Variants in NSUN6 observed in about 807,000 individuals in gnomAD.
NSUN6 encodes tRNA (cytosine(72)-C(5))-methyltransferase NSUN6.
A neutral mutation model predicts 58.0 loss-of-function variants in NSUN6; 64 were observed. The observed-to-expected ratio is 1.10, with a 90% CI of 0.90 to 1.36. The LOEUF (loss-of-function observed/expected upper bound fraction) is 1.36, where lower values mean the gene tolerates loss of function less well. NSUN6 is among the 40% of genes most tolerant of loss of function. The pLI is 0.00. For missense variants in NSUN6, 701 were observed against 550.1 expected (o/e 1.27, Z -2.74); for synonymous variants, 231 against 193.9 (o/e 1.19, Z -1.59).
intron 1 of NSUN6, 83 bp downstream of exon 1, chr10:18,651,046 C>T (rs1356494031): frequency 1.3e-6 from 2 of 1,532,686 alleles, no homozygotes; most frequent in African/African-American, 1.4e-5. Flanking sequence ...CAAGATTTCC[C>T]TTTATACTTA....
chr10:18,549,579 G>T (rs1222165421), intron 9 of NSUN6, among the ~76,000 whole-genome samples: 1 of 152,082 alleles, frequency 6.6e-6, no homozygotes, highest in Non-Finnish European at 1.5e-5. Flanking sequence ...ATAAGGGCAT[G>T]GAGTGTTTGT....
chr10:18,575,897 C>T (rs1381990783), intron 8 of NSUN6, among the ~76,000 whole-genome samples: 3 of 152,162 alleles, frequency 2.0e-5, no homozygotes, highest in Admixed American at 6.5e-5. Flanking sequence ...TTAGTACAGG[C>T]GCTGTCCTTA....
rs115693777 is a variant in NSUN6, at chr10:18,649,136, T to C, written c.76-491A>G. On this transcript the variant is annotated intron_variant, in intron 1 of 10. Transcript: ENST00000377304. ...TAATATTGATATAGTCACTGTCATA[T>C]AAAGATTCCCCTAGGACATCAGCTT... 4.7e-3 allele frequency among the ~76,000 whole-genome samples: 721 copies of C among 152,300 alleles called. 6 individuals carry two copies. The highest frequency in any genetic ancestry group is 0.017 in the African/African-American group (693 of 41,566).
chr10:18,618,931 T>C (rs2058507444), intron 3 of NSUN6, among the ~76,000 whole-genome samples: 1 of 151,482 alleles, frequency 6.6e-6, no homozygotes, highest in Admixed American at 6.6e-5. Flanking sequence ...TTTTATGTTT[T>C]ACTCTTTCAT....
intron 6 of NSUN6, among the ~76,000 whole-genome samples, chr10:18,608,514 T>C (rs2058118246): frequency 6.6e-6 from 1 of 151,658 alleles, no homozygotes; most frequent in African/African-American, 2.4e-5. Context: ...GCGCATGCTG[T>C]AGTCCCAGCT....
rs200356504 is a variant in NSUN6, at chr10:18,551,839, C to T, written c.1055G>A (p.Arg352Gln). 6.4e-5 allele frequency: 104 copies of T among 1,613,212 alleles called. No homozygotes were observed. Among genetic ancestry groups the T allele is most frequent in the East Asian group, 2.0e-4 (9 of 44,854 alleles). ...KEVASYQPLQRKLFTAAVQLL... is the reference protein window; with the variant it reads ...KEVASYQPLQQKLFTAAVQLL... ...ACCACATACTGCAGTGAAGAGTTTT[C>T]GCTGTAATGGCTGATATGATGCCAC... Residue 352 changes from arginine (R) to glutamine (Q), a missense_variant, in exon 9 of 11, where the codon CGA (arginine) becomes CAA (glutamine). By Grantham distance (43) the Arg-to-Gln change is conservative. Coordinates refer to ENST00000377304, the MANE Select transcript of NSUN6 (RefSeq NM_182543.5).
chr10:18,547,481 G>A (rs2054347694), intron 10 of NSUN6, among the ~76,000 whole-genome samples: 1 of 152,092 alleles, frequency 6.6e-6, no homozygotes, highest in Non-Finnish European at 1.5e-5. Context: ...ACTAAAGTTA[G>A]ATGCTCAATG....
At chr10:18,580,105 A>C (rs1476038030) in intron 8 of NSUN6, among the ~76,000 whole-genome samples, 1 of 152,188 alleles carries the variant, frequency 6.6e-6, no homozygotes, top group Non-Finnish European at 1.5e-5. Flanking sequence ...TGACTTCTGG[A>C]ATAAGGGCAT....
chr10:18,606,491 T>C (rs2058052673), intron 6 of NSUN6, among the ~76,000 whole-genome samples: 1 of 152,146 alleles, frequency 6.6e-6, no homozygotes, highest in African/African-American at 2.4e-5. Context: ...ACTGGTGAAA[T>C]CTGAATACCA....
chr10:18,569,773 C>G (rs976844583), intron 8 of NSUN6, among the ~76,000 whole-genome samples: 1 of 151,240 alleles, frequency 6.6e-6, no homozygotes, highest in Admixed American at 6.6e-5. Flanking sequence ...ATTCTATTCA[C>G]CACTGCATTT....
At chr10:18,632,576 C>T in intron 3 of NSUN6, among the ~76,000 whole-genome samples, 1 of 151,232 alleles carries the variant, frequency 6.6e-6, no homozygotes, top group Admixed American at 6.6e-5. Context: ...ACAAACAACC[C>T]CATCAAAAAG....
intron 8 of NSUN6, among the ~76,000 whole-genome samples, chr10:18,578,368 G>A (rs1300013362): frequency 1.3e-5 from 2 of 151,836 alleles, no homozygotes; most frequent in Non-Finnish European, 2.9e-5. Context: ...TGAGTGGCTA[G>A]GATTACAGGC....
intron 8 of NSUN6, among the ~76,000 whole-genome samples, chr10:18,564,454 T>C (rs553451469): frequency 4.0e-5 from 6 of 149,084 alleles, no homozygotes; most frequent in South Asian, 2.1e-4. Flanking sequence ...ATTCCATTCA[T>C]ACCCATTCTC....
chr10:18,607,778 A>G (rs1284698474), intron 6 of NSUN6, among the ~76,000 whole-genome samples: 1 of 152,258 alleles, frequency 6.6e-6, no homozygotes, highest in Non-Finnish European at 1.5e-5. Context: ...CCTGAATGCA[A>G]ATTTTGACTC....
At chr10:18,588,516 T>A (rs1476775047) in intron 7 of NSUN6, among the ~76,000 whole-genome samples, 2 of 152,118 alleles carry the variant, frequency 1.3e-5, no homozygotes, top group East Asian at 3.9e-4. Flanking sequence ...GACAGACACC[T>A]CATGCAGGAG....
At chr10:18,628,904 C>G (rs376722883) in intron 3 of NSUN6, among the ~76,000 whole-genome samples, 2 of 152,160 alleles carry the variant, frequency 1.3e-5, no homozygotes, top group East Asian at 1.9e-4. Context: ...ATACAGAGAA[C>G]GCCACAAAGA....
chr10:18,597,241 A>G (rs2057624688), intron 6 of NSUN6, among the ~76,000 whole-genome samples: 1 of 152,240 alleles, frequency 6.6e-6, no homozygotes, highest in African/African-American at 2.4e-5. Flanking sequence ...ATAGCCTTGA[A>G]TAAAACAGAT....
intron 3 of NSUN6, among the ~76,000 whole-genome samples, chr10:18,642,248 AC>A (rs2059412369): frequency 6.6e-6 from 1 of 151,886 alleles, no homozygotes; most frequent in Non-Finnish European, 1.5e-5. Flanking sequence ...CACTAAATGG[AC>A]CTAAAATGCA....
chr10:18,640,606 G>A (rs1309089493), intron 3 of NSUN6, among the ~76,000 whole-genome samples: 1 of 152,122 alleles, frequency 6.6e-6, no homozygotes, highest in Admixed American at 6.6e-5. Context: ...GCAGCTTCCT[G>A]GTAGGGTAGC....
Sources: gnomAD v4.1 joint callset for allele counts (sites outside exome capture counted in the v4.1 genomes callset) on GRCh38, gnomAD v4.1.1 for gene constraint, MANE v1.5 for transcripts, NCBI Gene and HGNC (gene_info 2026-07-23, HGNC 2026-07-21) for gene names.